The following MATR3 variants were observed in gnomAD, a reference collection of about 807,000 sequenced individuals.
The protein encoded by MATR3 is matrin 3.
Under a neutral mutation model 85.5 loss-of-function variants are expected in MATR3, and 4 were observed. The observed-to-expected ratio is 0.05, with a 90% confidence interval of 0.02 to 0.11. The LOEUF is 0.11. Among genes scored for constraint, MATR3 ranks in the 10% least tolerant of loss-of-function variants. The pLI is 1.00. For missense variants in MATR3, 685 were observed against 1,016.1 expected (o/e 0.67, Z 4.43); for synonymous variants, 336 against 343.1 (o/e 0.98, Z 0.23).
intron 14 of MATR3, among the ~76,000 whole-genome samples, chr5:139,327,864 A>T (rs543794886): frequency 5.4e-5 from 8 of 148,086 alleles, no homozygotes; most frequent in African/African-American, 2.0e-4. Context: ...TATTTTATTT[A>T]TTTTTTTTTT....
chr5:139,302,779 A>AG (rs1483830408), intron 1 of MATR3, among the ~76,000 whole-genome samples: 3 of 152,204 alleles, frequency 2.0e-5, no homozygotes, highest in Non-Finnish European at 2.9e-5. Flanking sequence ...GCTACCTAAA[A>AG]CATATTTGGT....
intron 12 of MATR3, among the ~76,000 whole-genome samples, chr5:139,324,958 G>A (rs950530733): frequency 2.6e-5 from 4 of 152,082 alleles, no homozygotes; most frequent in East Asian, 3.9e-4. Flanking sequence ...TTGGGAGGCC[G>A]AGGTGGGTGG....
chr5:139,319,709 G>A (rs1395381178), intron 9 of MATR3, among the ~76,000 whole-genome samples: 2 of 151,692 alleles, frequency 1.3e-5, no homozygotes, highest in Admixed American at 6.6e-5. Context: ...TTATCCAGGC[G>A]TGATGTGCCT....
At chr5:139,285,872 A>G (rs894025705) in intron 3 of MATR3, among the ~76,000 whole-genome samples, 1 of 145,984 alleles carries the variant, frequency 6.9e-6, no homozygotes. Flanking sequence ...TAGTCAGAGG[A>G]AAAAAAAATG....
intron 2 of MATR3, chr5:139,310,740 GTTTTTATTTCTTTATAGGTCAT>G (rs1189555767): frequency 6.6e-6 from 1 of 151,286 alleles, no homozygotes; most frequent in Non-Finnish European, 1.5e-5. Context: ...TGATGGTGGT[GTTTTTATTTCTTTATAGGTCAT>G]TTTAGGTCAT....
rs1041037791 is a variant in MATR3 at position 139,331,027 on chromosome 5, G to C, written c.*1632G>C. 1 of 454,094 alleles carries C rather than the reference G, an allele frequency of 2.2e-6. No homozygotes were observed. Among genetic ancestry groups the C allele is most frequent in the Non-Finnish European group, 4.4e-6 (1 of 226,800 alleles). 28.1% of individuals were successfully genotyped at this position (454,094 alleles called of 1,614,324 possible). On this transcript the variant is annotated 3_prime_UTR_variant, in exon 15 of 15. Coordinates refer to ENST00000394805, the MANE Select transcript of MATR3 (RefSeq NM_018834.6). ...GTTGATCTTGAATTCCTGGGCCCAA[G>C]TGATCTGCTCGCTTCAGCCTCCCAA...
chr5:139,315,148 AT>A (rs576618521), intron 3 of MATR3: 10,632 of 171,802 alleles, frequency 0.062, no homozygotes, highest in South Asian at 0.17. Context: ...TTGGTGATGA[AT>A]TTTTTTTTTT....
At position 139,296,035 on chromosome 5, in the gene MATR3, G is replaced by C. The variant is rs559060302; in HGVS notation, c.-178+2230G>C. Among the ~76,000 whole-genome samples the C allele has an allele frequency of 1.6e-3, 251 of 152,272 alleles. 1 individual carries two copies. The highest frequency in any genetic ancestry group is 5.9e-3 in the African/African-American group (246 of 41,554). ...GACGTGTTCTCACAATATGGCCCAG[G>C]CTGGTGTTGAACTCTCGGAGCTCTT... On this transcript the variant is annotated intron_variant, in intron 1 of 14. Transcript: ENST00000394805.
chr5:139,276,963 T>G (rs1379861186), intron 2 of MATR3, among the ~76,000 whole-genome samples: 1 of 152,182 alleles, frequency 6.6e-6, no homozygotes, highest in Non-Finnish European at 1.5e-5. Flanking sequence ...ACCACACTAA[T>G]TTCTCCTTTG....
intron 1 of MATR3, chr5:139,300,033 G>A (rs1754360075): frequency 6.6e-6 from 1 of 151,720 alleles, no homozygotes; most frequent in African/African-American, 2.4e-5. Context: ...ACTTTTACTA[G>A]AATTACTGCA....
At position 139,310,288 on chromosome 5, in the gene MATR3, A is replaced by G. The variant is rs549910330; in HGVS notation, c.912+1961A>G. On this transcript the variant is annotated intron_variant, in intron 2 of 14. Coordinates refer to ENST00000394805, the MANE Select transcript of MATR3 (RefSeq NM_018834.6). ...TGCTTAGGTCCTAGCTAGTTTTGGT[A>G]TTCTGTCAAAATACTGAGTACATTT... 3 of 152,312 alleles carry G rather than the reference A, an allele frequency of 2.0e-5. No homozygotes were observed. In the East Asian group the frequency reaches 5.8e-4, roughly 29 times the overall value. 9.4% of individuals were successfully genotyped at this position (152,312 alleles called of 1,614,324 possible). A position where few individuals can be genotyped will look rare whatever the true frequency, so the allele number is the denominator to read the frequency against.
At chr5:139,321,766 CAGTG>C (rs1755585618) in intron 9 of MATR3, 128 bp from the exon 10 acceptor site, 4 of 910,378 alleles carry the variant, frequency 4.4e-6, no homozygotes, top group Non-Finnish European at 1.7e-6. Context: ...CTGGGTGACA[CAGTG>C]AGACCCTGTC....
At chr5:139,315,889 G>T in intron 4 of MATR3, 151 bp downstream of exon 4, 1 of 779,510 alleles carries the variant, frequency 1.3e-6, no homozygotes, top group Non-Finnish European at 2.2e-6. Flanking sequence ...ACAATTTTTA[G>T]AATATATATT....
intron 8 of MATR3, 118 bp downstream of exon 8, chr5:139,319,151 C>T: frequency 1.5e-6 from 2 of 1,330,758 alleles, no homozygotes; most frequent in Non-Finnish European, 1.1e-6. Context: ...CCTGTAATCC[C>T]AGCACCTTGG....
At chr5:139,325,745 G>A in intron 13 of MATR3, 83 bp downstream of exon 13, 4 of 1,237,378 alleles carry the variant, frequency 3.2e-6, no homozygotes, top group Non-Finnish European at 4.7e-6. Context: ...TTTAAAGTTG[G>A]TCTTACATAA....
chr5:139,299,268 G>C (rs1561928202), intron 1 of MATR3, among the ~76,000 whole-genome samples: 1 of 152,224 alleles, frequency 6.6e-6, no homozygotes, highest in African/African-American at 2.4e-5. Flanking sequence ...CACAAGCATT[G>C]AGTAGTTTCT....
chr5:139,315,428 C>T, intron 3 of MATR3: 1 of 385,778 alleles, frequency 2.6e-6, no homozygotes, highest in Admixed American at 4.2e-5. Flanking sequence ...GCACTTCCTC[C>T]TTACAATTTA....
chr5:139,275,287 G>A (rs1027691464), intron 1 of MATR3, among the ~76,000 whole-genome samples: 1 of 150,342 alleles, frequency 6.7e-6, no homozygotes, highest in African/African-American at 2.4e-5. Context: ...GTGAGCCACC[G>A]CGCCCGGCCT....
intron 14 of MATR3, among the ~76,000 whole-genome samples, chr5:139,326,596 T>G (rs1561945804): frequency 6.6e-6 from 1 of 152,022 alleles, no homozygotes; most frequent in African/African-American, 2.4e-5. Flanking sequence ...AATTTTTGTA[T>G]TTTTAGTAGA....
Sources: gnomAD v4.1 joint callset for allele counts (sites outside exome capture counted in the v4.1 genomes callset) on GRCh38, gnomAD v4.1.1 for gene constraint, MANE v1.5 for transcripts, NCBI Gene and HGNC (gene_info 2026-07-23, HGNC 2026-07-21) for gene names.